ENOX1: variants seen among roughly 807,000 people sequenced by gnomAD.
ENOX1 encodes the protein candidate growth-related and time keeping constitutive hydroquinone (NADH) oxidase.
In ENOX1, 42 loss-of-function variants were observed where a neutral mutation model predicts 82.5. That is an observed-to-expected ratio of 0.51 (90% CI 0.40 to 0.66). ENOX1 has a LOEUF of 0.66. Ranked by LOEUF, ENOX1 falls within the 30% of genes least tolerant of loss-of-function variation. The probability of loss-of-function intolerance (pLI) is 0.00; values close to 1 mark genes in which losing one functional copy is unlikely to be tolerated. For synonymous variants in ENOX1, 271 were observed against 282.2 expected (o/e 0.96, Z 0.40); for missense variants, 608 against 811.6 (o/e 0.75, Z 3.05).
At chr13:43,617,359 G>A (rs1308575403) in intron 2 of ENOX1, among the ~76,000 whole-genome samples, 1 of 152,118 alleles carries the variant, frequency 6.6e-6, no homozygotes. Flanking sequence ...ATAAAACTTT[G>A]GAACACAATA....
At chr13:43,540,165 G>C (rs1219212969) in intron 2 of ENOX1, among the ~76,000 whole-genome samples, 1 of 152,034 alleles carries the variant, frequency 6.6e-6, no homozygotes, top group Non-Finnish European at 1.5e-5. Flanking sequence ...AAACATATTC[G>C]AGTTTAAGTC....
At chr13:43,457,711 T>C (rs2057294676) in intron 3 of ENOX1, among the ~76,000 whole-genome samples, 1 of 152,206 alleles carries the variant, frequency 6.6e-6, no homozygotes, top group Non-Finnish European at 1.5e-5. Context: ...GGAAGGCAGT[T>C]AAGCAATTTA....
intron 2 of ENOX1, among the ~76,000 whole-genome samples, chr13:43,561,463 TAAG>T (rs2079665674): frequency 6.6e-6 from 1 of 152,152 alleles, no homozygotes; most frequent in African/African-American, 2.4e-5. Context: ...GCCATCAGAA[TAAG>T]AAGAGCAGCT....
intron 3 of ENOX1, among the ~76,000 whole-genome samples, chr13:43,435,518 C>T (rs1212901617): frequency 6.6e-6 from 1 of 152,176 alleles, no homozygotes; most frequent in Non-Finnish European, 1.5e-5. Context: ...TAATACTGTC[C>T]TTTACACAAT....
intron 5 of ENOX1, among the ~76,000 whole-genome samples, chr13:43,411,113 A>G (rs900775533): frequency 6.6e-6 from 1 of 152,162 alleles, no homozygotes; most frequent in Non-Finnish European, 1.5e-5. Context: ...TGATTATTAT[A>G]TTACCAGTGT....
intron 2 of ENOX1, among the ~76,000 whole-genome samples, chr13:43,548,870 G>A (rs528249018): frequency 2.2e-4 from 34 of 151,902 alleles, no homozygotes; most frequent in African/African-American, 8.2e-4. Flanking sequence ...ATCAAAACTG[G>A]GTTCAGATAT....
chr13:43,299,032 G>A (rs1294246782), intron 11 of ENOX1, among the ~76,000 whole-genome samples: 1 of 152,246 alleles, frequency 6.6e-6, no homozygotes, highest in East Asian at 1.9e-4. Flanking sequence ...ACTCCTTCCT[G>A]CTCTACTGCT....
intron 1 of ENOX1, among the ~76,000 whole-genome samples, chr13:43,741,263 T>G (rs2089899019): frequency 6.6e-6 from 1 of 152,110 alleles, no homozygotes; most frequent in Non-Finnish European, 1.5e-5. Flanking sequence ...TTTTGTATTT[T>G]CAGTAGAGAC....
intron 15 of ENOX1, among the ~76,000 whole-genome samples, chr13:43,234,690 G>A (rs928048064): frequency 3.9e-5 from 6 of 151,998 alleles, no homozygotes; most frequent in African/African-American, 7.3e-5. Context: ...ATAGTTTTTT[G>A]TGATACCAAA....
intron 3 of ENOX1, among the ~76,000 whole-genome samples, chr13:43,465,269 GT>G (rs1342821963): frequency 2.0e-5 from 3 of 152,058 alleles, no homozygotes; most frequent in Admixed American, 2.0e-4. Flanking sequence ...TTATTTATTT[GT>G]TCGATTGTTT....
At chr13:43,564,695 C>T (rs2079842214) in intron 2 of ENOX1, among the ~76,000 whole-genome samples, 1 of 152,132 alleles carries the variant, frequency 6.6e-6, no homozygotes, top group Non-Finnish European at 1.5e-5. Context: ...TTATTCTTTG[C>T]TCTCAATTAA....
intron 2 of ENOX1, among the ~76,000 whole-genome samples, chr13:43,502,485 T>C (rs1403157988): frequency 2.0e-5 from 3 of 151,612 alleles, no homozygotes; most frequent in South Asian, 2.1e-4. Context: ...CCAAATTCAA[T>C]AGTGCATTAA....
At chr13:43,263,119 C>T (rs1291931095) in intron 14 of ENOX1, among the ~76,000 whole-genome samples, 1 of 152,166 alleles carries the variant, frequency 6.6e-6, no homozygotes, top group Non-Finnish European at 1.5e-5. Context: ...CTTTCACATA[C>T]CCTAGTGGAG....
chr13:43,534,895 T>A lies in ENOX1; in HGVS notation c.-218-50743A>T, dbSNP rs1340670582. On this transcript the variant is annotated intron_variant, in intron 2 of 16. Transcript: ENST00000690772. The stretch of plus-strand genomic sequence containing the variant: ...AAAATGACAACAGGTTAAGAAATCC[T>A]GTCCCAGTCTGATGTCAAATGCATG... Among the ~76,000 whole-genome samples, 4 of 152,344 alleles carry A rather than the reference T, an allele frequency of 2.6e-5. No individual in the cohort carries two copies. The South Asian group carries it at 6.2e-4, about 24-fold the overall frequency.
chr13:43,255,840 T>C (rs571001186), intron 14 of ENOX1, among the ~76,000 whole-genome samples: 1 of 152,156 alleles, frequency 6.6e-6, no homozygotes, highest in Non-Finnish European at 1.5e-5. Context: ...AGGTCAATAC[T>C]ACCCGAAGCA....
intron 2 of ENOX1, among the ~76,000 whole-genome samples, chr13:43,509,695 T>C (rs1347702478): frequency 6.6e-6 from 1 of 152,122 alleles, no homozygotes; most frequent in Non-Finnish European, 1.5e-5. Flanking sequence ...TTCTCATTCA[T>C]CTTCAAATTT....
chr13:43,668,876 C>G (rs1410151079), intron 1 of ENOX1, among the ~76,000 whole-genome samples: 2 of 152,150 alleles, frequency 1.3e-5, no homozygotes, highest in Non-Finnish European at 2.9e-5. Context: ...GAGGGCAGGT[C>G]ACTAGACCAG....
At chr13:43,435,450 T>C (rs1035001907) in intron 3 of ENOX1, among the ~76,000 whole-genome samples, 1 of 152,174 alleles carries the variant, frequency 6.6e-6, no homozygotes, top group Non-Finnish European at 1.5e-5. Context: ...GGATATCCTA[T>C]TGGCTCCTGT....
intron 2 of ENOX1, among the ~76,000 whole-genome samples, chr13:43,505,513 T>C (rs1032596005): frequency 2.0e-5 from 3 of 152,004 alleles, no homozygotes; most frequent in Admixed American, 6.6e-5. Flanking sequence ...TGAAGAAAGT[T>C]GGAAAGATAA....
Sources: allele counts gnomAD v4.1 joint callset (sites outside exome capture counted in the v4.1 genomes callset), GRCh38; gene constraint gnomAD v4.1.1; transcripts MANE v1.5; gene names NCBI Gene and HGNC (gene_info 2026-07-23, HGNC 2026-07-21).